ACAN: variants seen among roughly 807,000 people sequenced by gnomAD.
The protein encoded by ACAN is aggrecan core protein.
A neutral mutation model predicts 169.1 loss-of-function variants in ACAN; 47 were observed. The observed-to-expected ratio is 0.28, with a 90% CI of 0.22 to 0.35. ACAN has a LOEUF of 0.35. Among genes scored for constraint, ACAN ranks in the 10% least tolerant of loss-of-function variants. The pLI is 1.00. For synonymous variants in ACAN, 1,115 were observed against 1,112.2 expected, an observed-to-expected ratio of 1.00 and a Z score of -0.05; for missense variants, 2,716 against 2,759.9, an observed-to-expected ratio of 0.98 and a Z score of 0.36.
chr15:88,826,515 G>T (rs1406013225), intron 1 of ACAN, among the ~76,000 whole-genome samples: 1 of 151,948 alleles, frequency 6.6e-6, no homozygotes, highest in African/African-American at 2.4e-5. Context: ...AGCCCCAGCA[G>T]GGCCCTGCCC....
At chr15:88,846,404 C>T (rs1896792898) in intron 7 of ACAN, among the ~76,000 whole-genome samples, 1 of 152,002 alleles carries the variant, frequency 6.6e-6, no homozygotes, top group South Asian at 2.1e-4. Context: ...GGCAAAAAGT[C>T]AAAAGAAAAA....
At chr15:88,822,469 GTT>G (rs11352043) in intron 1 of ACAN, among the ~76,000 whole-genome samples, 152 of 146,260 alleles carry the variant, frequency 1.0e-3, no homozygotes, top group African/African-American at 1.7e-3. Context: ...CTAACTACAT[GTT>G]TTTTTTTTTT....
At chr15:88,840,572 C>T (rs887871763) in intron 4 of ACAN, among the ~76,000 whole-genome samples, 3 of 152,120 alleles carry the variant, frequency 2.0e-5, no homozygotes, top group Admixed American at 1.3e-4. Context: ...TTGGTACATC[C>T]TTCCCTGAGC....
chr15:88,836,472 C>G (rs1021809746), intron 2 of ACAN, among the ~76,000 whole-genome samples, 196 bp downstream of exon 2: 2 of 152,222 alleles, frequency 1.3e-5, no homozygotes, highest in Non-Finnish European at 2.9e-5. Context: ...CACACTCTTG[C>G]AGGAGCCTTG....
chr15:88,821,260 C>A (rs993137008), intron 1 of ACAN, among the ~76,000 whole-genome samples: 1 of 152,168 alleles, frequency 6.6e-6, no homozygotes, highest in African/African-American at 2.4e-5. Context: ...CTACCTCAGC[C>A]TCCCGAGTAG....
rs978112376 is a variant in ACAN at position 88,870,861 on chromosome 15, A to T, written c.7061-521A>T. Among the ~76,000 whole-genome samples the T allele has an allele frequency of 1.3e-5, 2 of 152,152 alleles. No homozygotes were observed. The highest frequency in any genetic ancestry group is 2.9e-5 in the Non-Finnish European group (2 of 68,034). ...TCTGAGTCTTCTCCAGACCCCAAGC[A>T]GACTTATTTCTGCTCCTCTGTTCCC... On this transcript the variant is annotated intron_variant, in intron 14 of 18. Coordinates refer to ENST00000560601, the MANE Select transcript of ACAN (RefSeq NM_001369268.1). This position sits in a 1 kb window ranked among gnomAD's most constrained non-coding sequence, Gnocchi z 6.3.
At chr15:88,840,981 A>G (rs2141569695) in intron 4 of ACAN, among the ~76,000 whole-genome samples, 1 of 149,712 alleles carries the variant, frequency 6.7e-6, no homozygotes, top group African/African-American at 2.5e-5. Context: ...CATCTCTACT[A>G]AAAAATACAA....
At chr15:88,823,344 C>T (rs1322365902) in intron 1 of ACAN, among the ~76,000 whole-genome samples, 3 of 152,032 alleles carry the variant, frequency 2.0e-5, no homozygotes, top group Non-Finnish European at 2.9e-5. Flanking sequence ...CTTCCAAGTG[C>T]TTGGACTGGA....
At chr15:88,815,803 G>C (rs545075787) in intron 1 of ACAN, among the ~76,000 whole-genome samples, 2 of 152,218 alleles carry the variant, frequency 1.3e-5, no homozygotes, top group East Asian at 3.9e-4. Context: ...ATTAGTAGTA[G>C]TGTTATAATA....
At position 88,849,159 on chromosome 15, in the gene ACAN, TG is replaced by T. The variant is rs753987991; in HGVS notation, c.1733-277del. ...AAGAGGGACGGAGGAGAAGTTGTTGTGGAAACAACTCAGCCCAGTTTTACGG... is the reference window on the plus strand; with the variant it reads ...AAGAGGGACGGAGGAGAAGTTGTTGTGAAACAACTCAGCCCAGTTTTACGG... On this transcript the variant is annotated intron_variant, in intron 9 of 18. Coordinates refer to ENST00000560601, the MANE Select transcript of ACAN (RefSeq NM_001369268.1). The surrounding 1 kb of genome is among the most constrained non-coding windows in gnomAD (Gnocchi z 5.1). Among the ~76,000 whole-genome samples the T allele has an allele frequency of 6.6e-6, 1 of 152,198 alleles. No individual in the cohort carries two copies. The highest frequency in any genetic ancestry group is 1.5e-5 in the Non-Finnish European group (1 of 68,036).
intron 12 of ACAN, 146 bp downstream of exon 12, chr15:88,859,563 C>G: frequency 9.2e-7 from 1 of 1,082,300 alleles, no homozygotes; most frequent in South Asian, 1.5e-5. Flanking sequence ...TAGTCTTCCC[C>G]TCTCTGAGCC....
intron 1 of ACAN, among the ~76,000 whole-genome samples, chr15:88,825,936 G>T (rs549882454): frequency 1.3e-5 from 2 of 152,186 alleles, no homozygotes; most frequent in Non-Finnish European, 2.9e-5. Flanking sequence ...CAGTGAGGTT[G>T]GCCTCGGACT....
Position 88,874,432 on chromosome 15 carries a change from A to C in ACAN, c.7658A>C (p.Lys2553Thr), listed in dbSNP as rs771450196. ...ACCACCTACAAACGCAGACTACAGA[A>C]GCGGAGCTCACGGCACCCTCGGAGG... ...DPTTYKRRLQ[K>T]RSSRHPRRSR... The change falls in exon 19 of 19, where the codon AAG becomes ACG. Residue 2553 changes from lysine (K) to threonine (T), a missense_variant. Transcript: ENST00000560601. The surrounding 1 kb of genome is among the most constrained non-coding windows in gnomAD (Gnocchi z 7.3). 2 of 1,607,478 alleles carry C rather than the reference A, an allele frequency of 1.2e-6. No homozygotes were observed. Among genetic ancestry groups the C allele is most frequent in the South Asian group, 1.1e-5 (1 of 89,336 alleles).
chr15:88,840,152 T>C lies in ACAN; in HGVS notation c.595T>C (p.Cys199Arg). Residue 199 changes from cysteine (C) to arginine (R), a missense_variant, in exon 4 of 19, where the codon TGT becomes CGT. Physicochemically the swap from Cys to Arg is radical, Grantham distance 180 (BLOSUM62 -3). Coordinates refer to ENST00000560601, the MANE Select transcript of ACAN (RefSeq NM_001369268.1). ...QAAYEDGFHQ[C>R]DAGWLADQTV... Reference sequence around the variant, plus strand: ...CGCCTACGAAGACGGCTTCCACCAGTGTGACGCCGGCTGGCTGGCTGACCA... The same window carrying C: ...CGCCTACGAAGACGGCTTCCACCAGCGTGACGCCGGCTGGCTGGCTGACCA... 1 of 1,605,300 alleles carries C rather than the reference T, an allele frequency of 6.2e-7. No homozygotes were observed. The highest frequency in any genetic ancestry group is 2.2e-5 in the East Asian group (1 of 44,630).
At chr15:88,824,682 C>T (rs1896165944) in intron 1 of ACAN, among the ~76,000 whole-genome samples, 1 of 152,140 alleles carries the variant, frequency 6.6e-6, no homozygotes, top group African/African-American at 2.4e-5. Flanking sequence ...AGTTCAAGAA[C>T]AGCCTGGCCA....
intron 1 of ACAN, among the ~76,000 whole-genome samples, chr15:88,834,503 A>G (rs1464763813): frequency 6.6e-6 from 1 of 152,210 alleles, no homozygotes; most frequent in Non-Finnish European, 1.5e-5. Flanking sequence ...CTGAGCCAAG[A>G]GCGACACCTG....
chr15:88,847,453 T>C (rs990063096), intron 8 of ACAN, 36 bp downstream of exon 8: 1 of 1,519,594 alleles, frequency 6.6e-7, no homozygotes, highest in African/African-American at 1.4e-5. Flanking sequence ...CAAACCCAAT[T>C]GAAGAGGTCA....
rs57686972 is a variant in ACAN, at chr15:88,873,398, CAG to C, written c.7447+376_7447+377del. Among the ~76,000 whole-genome samples, 8 of 152,330 alleles carry C rather than the reference CAG, an allele frequency of 5.3e-5. No homozygotes were observed. In the East Asian group the frequency reaches 9.7e-4, roughly 18 times the overall value. On this transcript the variant is annotated intron_variant, in intron 17 of 18. Coordinates refer to ENST00000560601, the MANE Select transcript of ACAN (RefSeq NM_001369268.1). This position sits in a 1 kb window ranked among gnomAD's most constrained non-coding sequence, Gnocchi z 7.5. ...TTGGGATTCCCAAGGCCATCAATCA[CAG>C]AGTCATAGTTGTCAGGCCTCGATCC...
At chr15:88,833,072 G>A (rs914241207) in intron 1 of ACAN, among the ~76,000 whole-genome samples, 1 of 152,212 alleles carries the variant, frequency 6.6e-6, no homozygotes, top group African/African-American at 2.4e-5. Flanking sequence ...TGCATTCAGG[G>A]AGAGTGGGTG....
Sources: gnomAD v4.1 joint callset for allele counts (sites outside exome capture counted in the v4.1 genomes callset) on GRCh38, gnomAD v4.1.1 for gene constraint, Gnocchi (gnomAD v3.1) non-coding constraint, MANE v1.5 for transcripts, NCBI Gene and HGNC (gene_info 2026-07-23, HGNC 2026-07-21) for gene names.